Variants in SHANK2 observed in about 807,000 individuals in gnomAD.
SHANK2 encodes the protein SH3 and multiple ankyrin repeat domains 2, also known as SH3 and multiple ankyrin repeat domains protein 2.
In SHANK2, 43 loss-of-function variants were observed where a neutral mutation model predicts 133.7. The observed-to-expected ratio is 0.32, with a 90% confidence interval of 0.25 to 0.41. The LOEUF is 0.41. Ranked by LOEUF, SHANK2 falls within the 10% of genes least tolerant of loss-of-function variation. The pLI is 1.00. For missense variants in SHANK2, 1,994 were observed against 2,235.8 expected, an observed-to-expected ratio of 0.89 and a Z score of 2.18; for synonymous variants, 1,017 against 952.8, an observed-to-expected ratio of 1.07 and a Z score of -1.24.
At chr11:70,610,670 G>A (rs2060646093) in intron 17 of SHANK2, among the ~76,000 whole-genome samples, 2 of 152,244 alleles carry the variant, frequency 1.3e-5, no homozygotes, top group Non-Finnish European at 2.9e-5. Context: ...CAGCGGATGG[G>A]ACAGGCCCGG....
intron 2 of SHANK2, chr11:71,174,962 T>G (rs1953397747): frequency 6.6e-6 from 1 of 152,228 alleles, no homozygotes; most frequent in Admixed American, 6.5e-5. Flanking sequence ...CAGCTTTGTG[T>G]TCATGATTTC....
intron 17 of SHANK2, among the ~76,000 whole-genome samples, chr11:70,592,454 A>G (rs1554988288): frequency 1.3e-5 from 2 of 152,010 alleles, no homozygotes; most frequent in Non-Finnish European, 2.9e-5. Context: ...GATGCAGCCA[A>G]CACAGACTCA....
Position 71,168,167 on chromosome 11 carries a change from C to A in SHANK2, c.-12-20829G>T, listed in dbSNP as rs533630164. On this transcript the variant is annotated intron_variant, in intron 2 of 25. Transcript: ENST00000601538. ...CTCAGACGGGGTGGCCGGGCAGAGA[C>A]GCTCCTCACATCCCGCACGGGGCGG... 2.7e-4 allele frequency among the ~76,000 whole-genome samples: 36 copies of A among 135,416 alleles called. 7 individuals are homozygous for A. The highest frequency in any genetic ancestry group is 1.0e-3 in the African/African-American group (35 of 33,598). 88.8% of individuals were successfully genotyped at this position (135,416 alleles called of 152,430 possible).
At chr11:70,871,650 T>C (rs1949467233) in intron 11 of SHANK2, among the ~76,000 whole-genome samples, 1 of 152,108 alleles carries the variant, frequency 6.6e-6, no homozygotes, top group South Asian at 2.1e-4. Flanking sequence ...ATATCCCTGA[T>C]GGAGAAGAAA....
At chr11:70,746,349 T>G (rs1640243918) in intron 14 of SHANK2, among the ~76,000 whole-genome samples, 1 of 146,242 alleles carries the variant, frequency 6.8e-6, no homozygotes. Flanking sequence ...CCCACCACAC[T>G]CTCCCGCCTC....
intron 17 of SHANK2, among the ~76,000 whole-genome samples, chr11:70,554,528 A>G (rs2059805545): frequency 6.6e-6 from 1 of 152,078 alleles, no homozygotes; most frequent in Admixed American, 6.5e-5. Context: ...CAGAAAGTTC[A>G]GAGTTCCCAG....
At chr11:70,878,348 C>A (rs1555071752) in intron 11 of SHANK2, among the ~76,000 whole-genome samples, 1 of 152,234 alleles carries the variant, frequency 6.6e-6, no homozygotes, top group African/African-American at 2.4e-5. Flanking sequence ...CCTCTCAATG[C>A]AGCCCTAACT....
intron 14 of SHANK2, among the ~76,000 whole-genome samples, chr11:70,795,233 G>T (rs766533424): frequency 6.6e-6 from 1 of 151,960 alleles, no homozygotes; most frequent in Non-Finnish European, 1.5e-5. Context: ...CTCCTCCCTA[G>T]GATGCCCAGG....
chr11:71,140,213 A>T (rs541264665), intron 3 of SHANK2, among the ~76,000 whole-genome samples: 2 of 152,294 alleles, frequency 1.3e-5, no homozygotes, highest in East Asian at 3.9e-4. Context: ...TCTTGAACAG[A>T]GTGAAGCAAA....
intron 15 of SHANK2, among the ~76,000 whole-genome samples, chr11:70,680,469 A>T (rs1555018132): frequency 6.6e-6 from 1 of 151,618 alleles, no homozygotes; most frequent in Non-Finnish European, 1.5e-5. Context: ...TCCTCAGATC[A>T]CTCCAGCCTC....
chr11:71,100,866 CAAAA>C (rs781807117), intron 6 of SHANK2, among the ~76,000 whole-genome samples: 30 of 99,888 alleles, frequency 3.0e-4, no homozygotes, highest in African/African-American at 1.0e-3. Context: ...GACTCCGTCT[CAAAA>C]AAAAAAAAAA....
At chr11:71,080,510 C>T (rs1951284358) in intron 8 of SHANK2, among the ~76,000 whole-genome samples, 1 of 152,184 alleles carries the variant, frequency 6.6e-6, no homozygotes, top group South Asian at 2.1e-4. Context: ...ACCAGAGCAG[C>T]GGGGAGGTCA....
chr11:71,213,996 C>T lies in SHANK2; in HGVS notation c.-13+10701G>A, dbSNP rs61887416. Among the ~76,000 whole-genome samples, 417 of 152,264 alleles carry T rather than the reference C, an allele frequency of 2.7e-3. 6 individuals carry two copies. The highest frequency in any genetic ancestry group is 9.6e-3 in the African/African-American group (398 of 41,558). Reference sequence around the variant, plus strand: ...TGTTCACCCAGCCAATATGAACCACCCCTGCCCTAACGCGCCCCAGGACCA... The same window carrying T: ...TGTTCACCCAGCCAATATGAACCACTCCTGCCCTAACGCGCCCCAGGACCA... On this transcript the variant is annotated intron_variant, in intron 2 of 25. Coordinates refer to ENST00000601538, the MANE Select transcript of SHANK2 (RefSeq NM_012309.5).
intron 17 of SHANK2, among the ~76,000 whole-genome samples, chr11:70,568,088 G>T (rs1055264151): frequency 2.0e-5 from 3 of 152,210 alleles, no homozygotes; most frequent in African/African-American, 7.2e-5. Context: ...CAGCGGGGTG[G>T]TGGAGTCTGG....
intron 17 of SHANK2, among the ~76,000 whole-genome samples, chr11:70,636,376 TGA>T (rs201765178): frequency 0.076 from 9,425 of 124,452 alleles, 385 homozygotes; most frequent in South Asian, 0.17. Flanking sequence ...TGTATGAATG[TGA>T]GTCTGTGTGT....
At chr11:70,844,450 C>T (rs1948964266) in intron 11 of SHANK2, among the ~76,000 whole-genome samples, 1 of 152,144 alleles carries the variant, frequency 6.6e-6, no homozygotes, top group South Asian at 2.1e-4. Context: ...ACGCTGGGCA[C>T]GTTTCTCGAC....
Position 70,490,316 on chromosome 11 carries a change from C to T in SHANK2, c.2511G>A (p.Leu837=). Residue 837 remains leucine, a synonymous_variant, in exon 23 of 26, where the codon CTG becomes CTA. Transcript: ENST00000601538. ...TVPGSPKAPF[L]GIPRGTMRRQ... The stretch of plus-strand genomic sequence containing the variant: ...TTCGCATCGTACCTCGAGGGATGCC[C>T]AGAAACGGGGCTTTTGGGCTCCCAG... 6.2e-7 allele frequency: 1 copy of T among 1,614,196 alleles called. No individual in the cohort carries two copies. Among genetic ancestry groups the T allele is most frequent in the African/African-American group, 1.3e-5 (1 of 75,056 alleles).
chr11:70,711,902 C>G (rs993138089), intron 14 of SHANK2, among the ~76,000 whole-genome samples: 1 of 152,216 alleles, frequency 6.6e-6, no homozygotes, highest in South Asian at 2.1e-4. Flanking sequence ...CCCAGGCACA[C>G]GTCACAGCAC....
chr11:70,594,612 A>G lies in SHANK2; in HGVS notation c.2061+65216T>C, dbSNP rs571584604. On this transcript the variant is annotated intron_variant, in intron 17 of 25. Transcript: ENST00000601538. ...GCCAGGCTGAGGGCGGGCAGGGGCA[A>G]TGGGGCTCAGGTGCTTACTGGGTCC... Among the ~76,000 whole-genome samples the G allele has an allele frequency of 1.5e-4, 23 of 152,280 alleles. No individual in the cohort carries two copies. The South Asian group carries it at 4.8e-3, about 32-fold the overall frequency.
Sources: allele counts gnomAD v4.1 joint callset (sites outside exome capture counted in the v4.1 genomes callset), GRCh38; gene constraint gnomAD v4.1.1; transcripts MANE v1.5; gene names NCBI Gene and HGNC (gene_info 2026-07-23, HGNC 2026-07-21).